FBXW7: variants seen among roughly 807,000 people sequenced by gnomAD.
FBXW7 encodes the protein F-box/WD repeat-containing protein 7.
Under a neutral mutation model 86.3 loss-of-function variants are expected in FBXW7, and 11 were observed. The observed-to-expected ratio is 0.13, with a 90% CI of 0.08 to 0.21. The LOEUF is 0.21. Among genes scored for constraint, FBXW7 ranks in the 10% least tolerant of loss-of-function variants. The pLI, the probability that FBXW7 is intolerant of heterozygous loss-of-function variation, is 1.00. For synonymous variants in FBXW7, 313 were observed against 297.9 expected (o/e 1.05, Z -0.52); for missense variants, 488 against 847.4 (o/e 0.58, Z 5.27).
intron 2 of FBXW7, among the ~76,000 whole-genome samples, chr4:152,486,197 G>C (rs1460246447): frequency 6.6e-6 from 1 of 152,148 alleles, no homozygotes; most frequent in Non-Finnish European, 1.5e-5. Context: ...CTCTGGGTGA[G>C]TTAATGATTG....
chr4:152,451,629 A>G (rs946702545), intron 2 of FBXW7: 12 of 151,886 alleles, frequency 7.9e-5, no homozygotes, highest in African/African-American at 2.9e-4. Context: ...CACAAAACAT[A>G]CAAAAATTAC....
intron 2 of FBXW7, among the ~76,000 whole-genome samples, chr4:152,432,356 T>C (rs549291993): frequency 6.6e-6 from 1 of 152,312 alleles, no homozygotes; most frequent in Admixed American, 6.5e-5. Context: ...TTCTTCAACA[T>C]GGAACAGACT....
intron 4 of FBXW7, among the ~76,000 whole-genome samples, chr4:152,408,616 C>A (rs1737644668): frequency 6.6e-6 from 1 of 152,170 alleles, no homozygotes; most frequent in African/African-American, 2.4e-5. Context: ...TCTGTCCTTT[C>A]TATAGGGTAG....
intron 2 of FBXW7, among the ~76,000 whole-genome samples, chr4:152,440,964 G>A (rs932285331): frequency 1.3e-5 from 2 of 150,922 alleles, no homozygotes; most frequent in Non-Finnish European, 2.9e-5. Flanking sequence ...TTCACTAAGC[G>A]TCATGTCTCT....
intron 5 of FBXW7, among the ~76,000 whole-genome samples, chr4:152,347,923 T>G (rs1326130477): frequency 2.6e-5 from 4 of 152,052 alleles, no homozygotes; most frequent in Non-Finnish European, 5.9e-5. Flanking sequence ...CTGCATGTAA[T>G]TAAACTAAAC....
At chr4:152,518,600 G>A (rs1318322873) in intron 2 of FBXW7, among the ~76,000 whole-genome samples, 3 of 152,164 alleles carry the variant, frequency 2.0e-5, no homozygotes, top group Admixed American at 6.5e-5. Context: ...CTCAGCTTCA[G>A]CACTCTATAC....
intron 2 of FBXW7, among the ~76,000 whole-genome samples, chr4:152,418,233 G>A (rs1461165793): frequency 6.6e-6 from 1 of 150,738 alleles, no homozygotes. Context: ...AAAGAAAACA[G>A]TAGGCTACAG....
At chr4:152,483,657 C>A (rs928975886) in intron 2 of FBXW7, among the ~76,000 whole-genome samples, 4 of 152,140 alleles carry the variant, frequency 2.6e-5, no homozygotes, top group Admixed American at 1.3e-4. Flanking sequence ...ATGATCATGC[C>A]ACTGCACTCC....
chr4:152,386,236 G>A (rs898210244), intron 4 of FBXW7, among the ~76,000 whole-genome samples: 1 of 151,950 alleles, frequency 6.6e-6, no homozygotes, highest in African/African-American at 2.4e-5. Context: ...AAATAATAAG[G>A]CAGTGCAATA....
At chr4:152,423,007 C>A (rs567568773) in intron 2 of FBXW7, among the ~76,000 whole-genome samples, 2 of 151,684 alleles carry the variant, frequency 1.3e-5, no homozygotes, top group African/African-American at 4.8e-5. Flanking sequence ...ACACATAATG[C>A]AATTCAGCAT....
chr4:152,535,499 G>A lies in FBXW7; in HGVS notation c.-585C>T. On this transcript the variant is annotated 5_prime_UTR_variant, in exon 1 of 14. Transcript: ENST00000281708. ...ATCGGGGTCCCCGCCCCCCCGGCCG[G>A]GGGGTGGTTGCCGAGCTTGGTTGGG... 2.5e-6 allele frequency: 1 copy of A among 395,040 alleles called. No homozygotes were observed. The highest frequency in any genetic ancestry group is 3.6e-5 in the East Asian group (1 of 27,870). The allele number at this position is 395,040 out of a possible 1,614,324, so 24.5% of individuals were successfully genotyped here. A position where few individuals can be genotyped will look rare whatever the true frequency, so the allele number is the denominator to read the frequency against.
At chr4:152,350,853 T>C (rs1482792402) in intron 4 of FBXW7, among the ~76,000 whole-genome samples, 2 of 152,106 alleles carry the variant, frequency 1.3e-5, no homozygotes, top group South Asian at 2.1e-4. Context: ...AAGAATCAGT[T>C]ATGCCTCTTC....
chr4:152,408,420 C>A (rs1737623832), intron 4 of FBXW7, among the ~76,000 whole-genome samples: 1 of 152,134 alleles, frequency 6.6e-6, no homozygotes, highest in Non-Finnish European at 1.5e-5. Flanking sequence ...TCTGGAGAAG[C>A]AAGATTTAGA....
At chr4:152,364,033 A>C (rs79468220) in intron 4 of FBXW7, among the ~76,000 whole-genome samples, 2,085 of 152,336 alleles carry the variant, frequency 0.014, 26 homozygotes, top group Middle Eastern at 0.037. Flanking sequence ...GAGCCACTGC[A>C]GACTTGCAGA....
chr4:152,500,957 C>A (rs1746887711), intron 2 of FBXW7, among the ~76,000 whole-genome samples: 1 of 152,140 alleles, frequency 6.6e-6, no homozygotes. Flanking sequence ...ACACTAAGAT[C>A]AGGCAGCATT....
At chr4:152,432,420 G>A (rs528692210) in intron 2 of FBXW7, among the ~76,000 whole-genome samples, 1 of 152,310 alleles carries the variant, frequency 6.6e-6, no homozygotes, top group East Asian at 1.9e-4. Context: ...CAATTAATAT[G>A]TAATTTAATT....
At chr4:152,392,774 A>G (rs1736104382) in intron 4 of FBXW7, among the ~76,000 whole-genome samples, 1 of 152,198 alleles carries the variant, frequency 6.6e-6, no homozygotes, top group Non-Finnish European at 1.5e-5. Flanking sequence ...GGAAAGGACA[A>G]CAGGTGATTC....
At chr4:152,478,978 G>A (rs1040457899) in intron 2 of FBXW7, among the ~76,000 whole-genome samples, 1 of 152,112 alleles carries the variant, frequency 6.6e-6, no homozygotes, top group Non-Finnish European at 1.5e-5. Context: ...GAAATTAACT[G>A]AGTCAACTGT....
At chr4:152,332,522 T>G in intron 8 of FBXW7, 74 bp downstream of exon 8, 1 of 1,360,574 alleles carries the variant, frequency 7.3e-7, no homozygotes, top group Non-Finnish European at 9.8e-7. Flanking sequence ...TTATTTTTAT[T>G]TTTTCTACTT....
Sources: allele counts gnomAD v4.1 joint callset (sites outside exome capture counted in the v4.1 genomes callset), GRCh38; gene constraint gnomAD v4.1.1; transcripts MANE v1.5; gene names NCBI Gene and HGNC (gene_info 2026-07-23, HGNC 2026-07-21).